Variants in ZNF260 observed in about 807,000 individuals in gnomAD.
ZNF260 encodes the protein zfp-260.
In ZNF260, 21 loss-of-function variants were observed where a neutral mutation model predicts 29.3. The ratio of observed to expected loss-of-function variants is 0.72; its 90% confidence interval spans 0.51 to 1.03. The LOEUF (loss-of-function observed/expected upper bound fraction) is 1.03, where lower values mean the gene tolerates loss of function less well. Ranked by LOEUF, ZNF260 falls within the 50% of genes least tolerant of loss-of-function variation. The pLI is 0.00. For synonymous variants in ZNF260, 156 were observed against 156.8 expected (o/e 0.99, Z 0.04); for missense variants, 465 against 487.8 (o/e 0.95, Z 0.44).
chr19:36,516,697 G>A (rs1234745819), intron 2 of ZNF260, among the ~76,000 whole-genome samples: 2 of 152,154 alleles, frequency 1.3e-5, no homozygotes, highest in African/African-American at 4.8e-5. Context: ...TCCTGCCTCA[G>A]CTTACTGAGC....
intron 2 of ZNF260, among the ~76,000 whole-genome samples, chr19:36,523,760 T>A (rs958168728): frequency 6.6e-6 from 1 of 151,798 alleles, no homozygotes; most frequent in Non-Finnish European, 1.5e-5. Context: ...GTATTTTTAG[T>A]AGAGACTGGG....
intron 2 of ZNF260, among the ~76,000 whole-genome samples, chr19:36,520,198 C>CAA (rs11327751): frequency 1.1e-4 from 10 of 89,648 alleles, no homozygotes; most frequent in African/African-American, 2.3e-4. Flanking sequence ...GACTCTGTCT[C>CAA]AAAAAAAAAA....
intron 2 of ZNF260, among the ~76,000 whole-genome samples, chr19:36,524,151 T>C (rs2034689127): frequency 1.3e-5 from 2 of 152,206 alleles, no homozygotes; most frequent in Admixed American, 1.3e-4. Flanking sequence ...ATAATAGTTA[T>C]ACATAGAATG....
rs963322349 is a variant in ZNF260, at chr19:36,510,698, T to A, written c.*3302A>T. On this transcript the variant is annotated 3_prime_UTR_variant, in exon 3 of 3. Transcript: ENST00000523638. Reference sequence around the variant, plus strand: ...AAACAACTGAAATCTAAGGGGTGATTACATGAATTTTTATTGTACCATTTC... The same window carrying A: ...AAACAACTGAAATCTAAGGGGTGATAACATGAATTTTTATTGTACCATTTC... 1.3e-5 allele frequency: 2 copies of A among 152,216 alleles called. No individual in the cohort carries two copies. Among genetic ancestry groups the A allele is most frequent in the South Asian group, 2.1e-4 (1 of 4,832 alleles). 9.4% of individuals were successfully genotyped at this position (152,216 alleles called of 1,614,324 possible).
Position 36,511,906 on chromosome 19 carries a change from T to C in ZNF260, c.*2094A>G, listed in dbSNP as rs1251156360. The C allele has an allele frequency of 2.0e-5, 3 of 152,180 alleles. No homozygotes were observed. The highest frequency in any genetic ancestry group is 7.2e-5 in the African/African-American group (3 of 41,456). The allele number at this position is 152,180 out of a possible 1,614,324, so 9.4% of individuals were successfully genotyped here. Reference sequence around the variant, plus strand: ...ATCCAGGAGTTAATGTTTTCCTCAATGGCTTATAAAAAAATTGAAGAGTGA... The same window carrying C: ...ATCCAGGAGTTAATGTTTTCCTCAACGGCTTATAAAAAAATTGAAGAGTGA... On this transcript the variant is annotated 3_prime_UTR_variant, in exon 3 of 3. Coordinates refer to ENST00000523638, the MANE Select transcript of ZNF260 (RefSeq NM_001166037.2).
At chr19:36,519,086 A>G (rs932995411) in intron 2 of ZNF260, among the ~76,000 whole-genome samples, 1 of 152,158 alleles carries the variant, frequency 6.6e-6, no homozygotes, top group Non-Finnish European at 1.5e-5. Context: ...AAAGGAAATA[A>G]AAGAAAAAGA....
At position 36,515,136 on chromosome 19, in the gene ZNF260, T is replaced by TCC. The variant is rs776961605; in HGVS notation, c.102_103insGG (p.Thr35GlyfsTer5). ...ACAAGGTTTTGCTTCAGGCTAAAAG[T>TCC]TTTTCTACATTCATTACATTCATAA... On this transcript the variant is annotated frameshift_variant, in exon 3 of 3. Transcript: ENST00000523638. LOFTEE classifies it high-confidence loss of function. 1.9e-6 allele frequency: 3 copies of TCC among 1,613,662 alleles called. No individual in the cohort carries two copies. The highest frequency in any genetic ancestry group is 2.5e-6 in the Non-Finnish European group (3 of 1,179,858).
rs1568550933 is a variant in ZNF260 at position 36,515,324 on chromosome 19, T to C, written c.-86A>G. ...CTTTCCCACATTCACTAAATTCATA[T>C]GGTGTATTTTCAATATTAATTCTCA... On this transcript the variant is annotated 5_prime_UTR_variant, in exon 3 of 3. Coordinates refer to ENST00000523638, the MANE Select transcript of ZNF260 (RefSeq NM_001166037.2). 1.3e-5 allele frequency: 17 copies of C among 1,331,714 alleles called. No homozygotes were observed. The East Asian group carries it at 3.6e-4, about 28-fold the overall frequency. The allele number at this position is 1,331,714 out of a possible 1,614,324, so 82.5% of individuals were successfully genotyped here.
rs913997763 is a variant in ZNF260 at position 36,515,387 on chromosome 19, T to C, written c.-149A>G. On this transcript the variant is annotated 5_prime_UTR_variant, in exon 3 of 3. Coordinates refer to ENST00000523638, the MANE Select transcript of ZNF260 (RefSeq NM_001166037.2). Reference sequence around the variant, plus strand: ...AGTTAAATTTATGATGGAAGACTTTTCTCACATTGATTACCCTGAGATGAG... The same window carrying C: ...AGTTAAATTTATGATGGAAGACTTTCCTCACATTGATTACCCTGAGATGAG... 2.6e-6 allele frequency: 2 copies of C among 770,156 alleles called. No individual in the cohort carries two copies. Among genetic ancestry groups the C allele is most frequent in the Non-Finnish European group, 4.0e-6 (2 of 502,996 alleles). 47.7% of individuals were successfully genotyped at this position (770,156 alleles called of 1,614,324 possible).
intron 1 of ZNF260, among the ~76,000 whole-genome samples, chr19:36,525,664 G>A (rs1011463251): frequency 6.6e-6 from 1 of 152,072 alleles, no homozygotes; most frequent in Non-Finnish European, 1.5e-5. Flanking sequence ...GCATATGCCT[G>A]TAGTCCCAGC....
intron 2 of ZNF260, among the ~76,000 whole-genome samples, chr19:36,523,577 CTTTT>C (rs765534834): frequency 2.2e-5 from 3 of 134,888 alleles, no homozygotes; most frequent in Admixed American, 7.6e-5. Flanking sequence ...AGTATTATTT[CTTTT>C]TTTTTTTTTT....
rs74258202 is a variant in ZNF260, at chr19:36,518,846, G to A, written c.-461-3147C>T. ...AAAAAGAGGATCCTAGTTTGAGACC[G>A]GCCTGTGCAACACAGTGTGATCTTG... On this transcript the variant is annotated intron_variant, in intron 2 of 2. Coordinates refer to ENST00000523638, the MANE Select transcript of ZNF260 (RefSeq NM_001166037.2). Among the ~76,000 whole-genome samples the A allele has an allele frequency of 1.5e-3, 232 of 152,084 alleles. 9 individuals are homozygous for A. The East Asian group carries it at 0.039, about 26-fold the overall frequency.
chr19:36,524,223 T>G (rs1016815777), intron 2 of ZNF260, among the ~76,000 whole-genome samples: 1 of 152,148 alleles, frequency 6.6e-6, no homozygotes, highest in African/African-American at 2.4e-5. Context: ...TTGCCCAGGC[T>G]GGAGTGCACT....
chr19:36,521,490 C>T (rs764406130), intron 2 of ZNF260, among the ~76,000 whole-genome samples: 6 of 152,344 alleles, frequency 3.9e-5, no homozygotes, highest in African/African-American at 7.2e-5. Context: ...CAGTGGCACA[C>T]GCCTGTAATC....
chr19:36,518,575 A>G (rs1296245371), intron 2 of ZNF260, among the ~76,000 whole-genome samples: 1 of 152,188 alleles, frequency 6.6e-6, no homozygotes, highest in Non-Finnish European at 1.5e-5. Flanking sequence ...AGAAAGAAAG[A>G]GTGTAATGGT....
intron 2 of ZNF260, chr19:36,517,300 T>C (rs1274097756): frequency 6.6e-6 from 1 of 152,190 alleles, no homozygotes; most frequent in African/African-American, 2.4e-5. Flanking sequence ...GAGGTTGAAG[T>C]AGGAGGATCG....
At chr19:36,527,083 A>G (rs111689001) in intron 1 of ZNF260, among the ~76,000 whole-genome samples, 14 of 152,348 alleles carry the variant, frequency 9.2e-5, no homozygotes, top group African/African-American at 3.4e-4. Flanking sequence ...TGGACTGCAC[A>G]TTGGGCAATT....
At position 36,512,223 on chromosome 19, in the gene ZNF260, ATATTT is replaced by A. The variant is rs1271346222; in HGVS notation, c.*1772_*1776del. 3 of 152,136 alleles carry A rather than the reference ATATTT, an allele frequency of 2.0e-5. No individual in the cohort carries two copies. The highest frequency in any genetic ancestry group is 6.6e-5 in the Admixed American group (1 of 15,260). 9.4% of individuals were successfully genotyped at this position (152,136 alleles called of 1,614,324 possible). ...TGCCACCCCAATTAAAAATTATTTCATATTTTAAAGATAAGATTTTAGAAATATCT... is the reference window on the plus strand; with the variant it reads ...TGCCACCCCAATTAAAAATTATTTCATAAAGATAAGATTTTAGAAATATCT... On this transcript the variant is annotated 3_prime_UTR_variant, in exon 3 of 3. Transcript: ENST00000523638.
intron 2 of ZNF260, among the ~76,000 whole-genome samples, chr19:36,521,598 C>A (rs1568554051): frequency 2.0e-5 from 3 of 150,768 alleles, no homozygotes; most frequent in Non-Finnish European, 1.5e-5. Context: ...ACTAAAAATA[C>A]AAAAATTAGC....
Sources: gnomAD v4.1 joint callset for allele counts (sites outside exome capture counted in the v4.1 genomes callset) on GRCh38, gnomAD v4.1.1 for gene constraint, MANE v1.5 for transcripts, NCBI Gene and HGNC (gene_info 2026-07-23, HGNC 2026-07-21) for gene names.